RBFOX1: variants seen among roughly 807,000 people sequenced by gnomAD.
The protein encoded by RBFOX1 is RNA binding fox-1 homolog 1, also known as RNA binding protein fox-1 homolog 1.
A neutral mutation model predicts 57.7 loss-of-function variants in RBFOX1; 8 were observed. The observed-to-expected ratio is 0.14, with a 90% CI of 0.08 to 0.25. RBFOX1 has a LOEUF of 0.25. Ranked by LOEUF, RBFOX1 falls within the 10% of genes least tolerant of loss-of-function variation. The pLI is 1.00. For missense variants in RBFOX1, 611 were observed against 548.5 expected (o/e 1.11, Z -1.14); for synonymous variants, 326 against 222.4 (o/e 1.47, Z -4.15).
chr16:6,389,506 T>C (rs895401299), intron 2 of RBFOX1, among the ~76,000 whole-genome samples: 1 of 152,202 alleles, frequency 6.6e-6, no homozygotes, highest in East Asian at 1.9e-4. Flanking sequence ...TTCATGTGTA[T>C]CATCTCTGTG....
chr16:6,604,182 A>G (rs1481372358), intron 2 of RBFOX1, among the ~76,000 whole-genome samples: 1 of 152,022 alleles, frequency 6.6e-6, no homozygotes, highest in Non-Finnish European at 1.5e-5. Context: ...CACTGTGATC[A>G]ACCCAGCAAT....
In RBFOX1 at chr16:7,689,446, A is replaced by G. The variant is rs150380442; in HGVS notation, c.995+12608A>G. Among the ~76,000 whole-genome samples the G allele has an allele frequency of 3.1e-3, 478 of 152,248 alleles. 2 individuals are homozygous for G. Among genetic ancestry groups the G allele is most frequent in the African/African-American group, 0.011 (466 of 41,566 alleles). On this transcript the variant is annotated intron_variant, in intron 14 of 15. Transcript: ENST00000550418. Reference sequence around the variant, plus strand: ...TGATTCCCTCACAGCAGAATCTGCTACCTACAGAACAGTGAAAATGAGTGC... The same window carrying G: ...TGATTCCCTCACAGCAGAATCTGCTGCCTACAGAACAGTGAAAATGAGTGC...
rs369076504 is a variant in RBFOX1 at position 7,693,914 on chromosome 16, C to T, written c.996-15142C>T. On this transcript the variant is annotated intron_variant, in intron 14 of 15. Transcript: ENST00000550418. ...CTCTATTTCCTTTCTTATAAAACAT[C>T]TCTCAAGTAGCAGGACTTAGAGAGA... Among the ~76,000 whole-genome samples the T allele has an allele frequency of 2.2e-4, 34 of 152,318 alleles. No individual in the cohort carries two copies. The South Asian group carries it at 6.8e-3, about 31-fold the overall frequency.
chr16:5,717,281 C>T (rs1456394539), intron 3 of RBFOX1, among the ~76,000 whole-genome samples: 1 of 152,028 alleles, frequency 6.6e-6, no homozygotes, highest in Non-Finnish European at 1.5e-5. Context: ...TTTATCTTTG[C>T]ACTTCCACTT....
intron 3 of RBFOX1, among the ~76,000 whole-genome samples, chr16:5,787,108 TG>T (rs1162531374): frequency 6.6e-6 from 1 of 152,194 alleles, no homozygotes; most frequent in Non-Finnish European, 1.5e-5. Flanking sequence ...CATTCCAGCC[TG>T]GGAAACAGAG....
At chr16:5,703,183 G>T (rs2051114501) in intron 3 of RBFOX1, among the ~76,000 whole-genome samples, 1 of 152,228 alleles carries the variant, frequency 6.6e-6, no homozygotes, top group Non-Finnish European at 1.5e-5. Context: ...ACTTTGCTAT[G>T]AAAGAGGGGC....
intron 3 of RBFOX1, among the ~76,000 whole-genome samples, chr16:7,042,375 C>G (rs1247175262): frequency 6.6e-6 from 1 of 152,182 alleles, no homozygotes; most frequent in Non-Finnish European, 1.5e-5. Context: ...GAAACCTAGT[C>G]AACCCATCCA....
Position 7,557,956 on chromosome 16 carries a change from G to T in RBFOX1, c.271-21821G>T, listed in dbSNP as rs113080074. Among the ~76,000 whole-genome samples the T allele has an allele frequency of 6.1e-3, 926 of 152,202 alleles. 13 individuals carry two copies. The highest frequency in any genetic ancestry group is 0.021 in the African/African-American group (877 of 41,524). On this transcript the variant is annotated intron_variant, in intron 5 of 15. Coordinates refer to ENST00000550418, the MANE Select transcript of RBFOX1 (RefSeq NM_018723.4). ...CATCACGCAGTATTTCCACCATCCA[G>T]ATACTCTAAACAAACAAACAAAAAA...
chr16:5,563,137 C>T (rs999083115), intron 2 of RBFOX1, among the ~76,000 whole-genome samples: 11 of 152,140 alleles, frequency 7.2e-5, no homozygotes, highest in Non-Finnish European at 1.3e-4. Context: ...TTTGTAGAGA[C>T]GGGGTTTCAC....
intron 5 of RBFOX1, among the ~76,000 whole-genome samples, chr16:7,543,063 A>G (rs983608840): frequency 9.0e-4 from 137 of 152,150 alleles, no homozygotes; most frequent in African/African-American, 3.3e-3. Context: ...GGTGGGGGAA[A>G]GAGGTTAGGT....
chr16:6,652,588 C>A (rs1200150473), intron 2 of RBFOX1, among the ~76,000 whole-genome samples: 2 of 152,064 alleles, frequency 1.3e-5, no homozygotes, highest in Non-Finnish European at 2.9e-5. Flanking sequence ...CTGAGAGAGC[C>A]TTGACCTTGA....
chr16:5,889,964 C>G (rs770053750), intron 4 of RBFOX1, among the ~76,000 whole-genome samples: 1 of 152,178 alleles, frequency 6.6e-6, no homozygotes, highest in Non-Finnish European at 1.5e-5. Flanking sequence ...GATCACAATG[C>G]GTGTGAGATG....
At chr16:7,667,482 C>T (rs2069741636) in intron 13 of RBFOX1, among the ~76,000 whole-genome samples, 3 of 152,132 alleles carry the variant, frequency 2.0e-5, no homozygotes, top group South Asian at 2.1e-4. Flanking sequence ...GAAATATCCC[C>T]AAGCTTCGTT....
At chr16:5,701,524 C>T (rs934332072) in intron 3 of RBFOX1, among the ~76,000 whole-genome samples, 1 of 152,070 alleles carries the variant, frequency 6.6e-6, no homozygotes, top group African/African-American at 2.4e-5. Context: ...CTCACTGCTA[C>T]CTATGCCTCC....
At chr16:6,878,890 CA>C in intron 3 of RBFOX1, among the ~76,000 whole-genome samples, 1 of 152,234 alleles carries the variant, frequency 6.6e-6, no homozygotes, top group South Asian at 2.1e-4. Context: ...ATAGTTCTCC[CA>C]GTACCATCTT....
rs546359206 is a variant in RBFOX1 at position 6,549,647 on chromosome 16, T to G, written c.-63-104956T>G. 7.2e-5 allele frequency among the ~76,000 whole-genome samples: 11 copies of G among 151,876 alleles called. 1 individual carries two copies. The South Asian group carries it at 2.1e-3, about 29-fold the overall frequency. ...GAAGGCTTTGATTGGCTAATTTGAG[T>G]CATGTGCCTACTTCTGAGCAAATCC... is the stretch of plus-strand genomic sequence containing the variant. On this transcript the variant is annotated intron_variant, in intron 2 of 15. Coordinates refer to ENST00000550418, the MANE Select transcript of RBFOX1 (RefSeq NM_018723.4).
intron 3 of RBFOX1, among the ~76,000 whole-genome samples, chr16:6,883,373 C>T (rs1042164407): frequency 3.9e-5 from 6 of 152,140 alleles, no homozygotes; most frequent in African/African-American, 1.4e-4. Flanking sequence ...TCAAGTAAAT[C>T]ACAGCCTTTA....
Position 7,630,748 on chromosome 16 carries a change from C to T in RBFOX1, c.757+65C>T. The T allele has an allele frequency of 2.2e-5, 35 of 1,600,438 alleles. No homozygotes were observed. In the South Asian group the frequency reaches 3.7e-4, roughly 17 times the overall value. ...AATCTGAGTCCAATCACCTTCCCTG[C>T]CATGTAAGTTCTCTCCCCCTCCCTC... On this transcript the variant is annotated intron_variant, in intron 11 of 15. Coordinates refer to ENST00000550418, the MANE Select transcript of RBFOX1 (RefSeq NM_018723.4).
chr16:6,723,523 G>A (rs555183900), intron 3 of RBFOX1, among the ~76,000 whole-genome samples: 6 of 152,274 alleles, frequency 3.9e-5, no homozygotes, highest in South Asian at 2.1e-4. Context: ...GTTTGTATGT[G>A]CATAACATTT....
Sources: gnomAD v4.1 joint callset for allele counts (sites outside exome capture counted in the v4.1 genomes callset) on GRCh38, gnomAD v4.1.1 for gene constraint, MANE v1.5 for transcripts, NCBI Gene and HGNC (gene_info 2026-07-23, HGNC 2026-07-21) for gene names.